ZNF280D: variants seen among roughly 807,000 people sequenced by gnomAD.
ZNF280D encodes zinc finger protein 280D.
Under a neutral mutation model 94.7 loss-of-function variants are expected in ZNF280D, and 39 were observed. That is an observed-to-expected ratio of 0.41 (90% CI 0.32 to 0.54). The LOEUF is 0.54. Ranked by LOEUF, ZNF280D falls within the 20% of genes least tolerant of loss-of-function variation. The pLI, the probability that ZNF280D is intolerant of heterozygous loss-of-function variation, is 0.22. For missense variants in ZNF280D, 1,090 were observed against 1,149.3 expected (o/e 0.95, Z 0.75); for synonymous variants, 398 against 377.6 (o/e 1.05, Z -0.63).
chr15:56,671,234 A>C (rs186488371), intron 13 of ZNF280D, among the ~76,000 whole-genome samples: 16 of 152,156 alleles, frequency 1.1e-4, no homozygotes, highest in African/African-American at 3.1e-4. Flanking sequence ...TTCATCATGA[A>C]ATCTTTGCCT....
At position 56,733,351 on chromosome 15, in the gene ZNF280D, G is replaced by A. The variant is rs2059000033; in HGVS notation, c.-86+107C>T. ...TGGGCGCTCCCGACGACCCGCGCCG[G>A]CCTCAAGACCCCCAGTCCAGCGCCC... On this transcript the variant is annotated intron_variant, in intron 1 of 21. Transcript: ENST00000267807. 8 of 643,486 alleles carry A rather than the reference G, an allele frequency of 1.2e-5. No individual in the cohort carries two copies. The South Asian group carries it at 5.4e-4, about 44-fold the overall frequency. 39.9% of individuals were successfully genotyped at this position (643,486 alleles called of 1,614,324 possible). A position where few individuals can be genotyped will look rare whatever the true frequency, so the allele number is the denominator to read the frequency against.
intron 6 of ZNF280D, chr15:56,700,602 T>C (rs1207771445): frequency 1.7e-6 from 2 of 1,171,444 alleles, no homozygotes; most frequent in African/African-American, 1.6e-5. Flanking sequence ...CAATTAAGAA[T>C]ACCTGGTCCC....
rs1566959397 is a variant in ZNF280D, at chr15:56,669,871, TTTTATATA to T, written c.1411-922_1411-915del. 5.3e-4 allele frequency among the ~76,000 whole-genome samples: 3 copies of T among 5,694 alleles called. 1 individual carries two copies. Among genetic ancestry groups the T allele is most frequent in the Non-Finnish European group, 1.1e-3 (3 of 2,716 alleles). The allele number at this position is 5,694 out of a possible 152,430, so 3.7% of individuals were successfully genotyped here. On this transcript the variant is annotated intron_variant, in intron 13 of 21. Transcript: ENST00000267807. ...CCTCATTATTTTATATATATATATA[TTTTATATA>T]TATATATATTATATATATATATAAT...
At chr15:56,731,345 A>T (rs1316633456) in intron 1 of ZNF280D, among the ~76,000 whole-genome samples, 3 of 151,994 alleles carry the variant, frequency 2.0e-5, no homozygotes, top group Non-Finnish European at 2.9e-5. Flanking sequence ...TCTACAAAAA[A>T]TACAAAAATT....
At chr15:56,716,221 G>C (rs989511940) in intron 1 of ZNF280D, among the ~76,000 whole-genome samples, 5 of 152,046 alleles carry the variant, frequency 3.3e-5, no homozygotes, top group African/African-American at 1.2e-4. Flanking sequence ...CATGAAACTT[G>C]TGGTCTAGAG....
At chr15:56,668,409 A>T (rs1212396802) in intron 14 of ZNF280D, among the ~76,000 whole-genome samples, 1 of 152,140 alleles carries the variant, frequency 6.6e-6, no homozygotes, top group Non-Finnish European at 1.5e-5. Context: ...AACTGCAACA[A>T]ACATCTGAGA....
At chr15:56,642,558 A>G (rs2081434682) in intron 20 of ZNF280D, among the ~76,000 whole-genome samples, 1 of 151,784 alleles carries the variant, frequency 6.6e-6, no homozygotes, top group Non-Finnish European at 1.5e-5. Context: ...AAATATTTCT[A>G]TTTTAAAAAT....
chr15:56,650,540 C>T (rs2053150616), intron 19 of ZNF280D, among the ~76,000 whole-genome samples: 1 of 152,102 alleles, frequency 6.6e-6, no homozygotes, highest in African/African-American at 2.4e-5. Context: ...ACTCAGAGAA[C>T]TAAATCAACT....
intron 1 of ZNF280D, among the ~76,000 whole-genome samples, chr15:56,727,416 G>A (rs561429625): frequency 3.9e-5 from 6 of 152,226 alleles, no homozygotes; most frequent in South Asian, 2.1e-4. Context: ...CTGAGATCAC[G>A]CCATTGCATT....
At chr15:56,731,622 G>A (rs751106351) in intron 1 of ZNF280D, among the ~76,000 whole-genome samples, 98 of 151,642 alleles carry the variant, frequency 6.5e-4, no homozygotes, top group Non-Finnish European at 3.2e-4. Flanking sequence ...TCTTAAGTGT[G>A]ATTGCGGTAT....
intron 9 of ZNF280D, 84 bp from the exon 10 acceptor site, chr15:56,682,561 A>C (rs2055701185): frequency 1.2e-6 from 1 of 850,804 alleles, no homozygotes. Context: ...GTGTGTTTAC[A>C]CCTAAGGCCA....
At chr15:56,648,706 A>G (rs770339392) in intron 19 of ZNF280D, among the ~76,000 whole-genome samples, 10 of 152,226 alleles carry the variant, frequency 6.6e-5, no homozygotes, top group Non-Finnish European at 1.2e-4. Flanking sequence ...TTAAATGAGT[A>G]AATAAATGCA....
chr15:56,646,876 G>A (rs2052919150), intron 19 of ZNF280D, among the ~76,000 whole-genome samples: 1 of 152,194 alleles, frequency 6.6e-6, no homozygotes, highest in Admixed American at 6.6e-5. Context: ...GCAAAGCAGA[G>A]TAAGGAGATC....
chr15:56,710,231 T>C (rs1419160594), intron 1 of ZNF280D, among the ~76,000 whole-genome samples: 2 of 152,090 alleles, frequency 1.3e-5, no homozygotes, highest in East Asian at 3.9e-4. Context: ...AGAGTCAAAC[T>C]GTCTCTACTA....
chr15:56,710,131 G>A (rs928376671), intron 1 of ZNF280D, among the ~76,000 whole-genome samples: 15 of 152,228 alleles, frequency 9.9e-5, no homozygotes, highest in African/African-American at 2.7e-4. Context: ...GGACGGGCGC[G>A]GCGGCTCACG....
intron 4 of ZNF280D, among the ~76,000 whole-genome samples, chr15:56,702,348 T>C (rs1028289758): frequency 5.3e-5 from 8 of 152,190 alleles, no homozygotes; most frequent in Admixed American, 4.6e-4. Context: ...CCTCCTTTCT[T>C]GCAGTTTTAT....
chr15:56,698,632 G>A (rs2141162238), intron 6 of ZNF280D: 1 of 152,234 alleles, frequency 6.6e-6, no homozygotes, highest in South Asian at 2.1e-4. Context: ...CAGGACCTCT[G>A]ACTTGCTTTT....
At chr15:56,700,704 C>T in intron 6 of ZNF280D, 2 of 1,436,224 alleles carry the variant, frequency 1.4e-6, no homozygotes, top group Non-Finnish European at 1.8e-6. Flanking sequence ...ATTACTGTAC[C>T]TATTTAGGCA....
At chr15:56,704,316 A>C in intron 3 of ZNF280D, 49 bp from the exon 4 acceptor site, 1 of 1,525,992 alleles carries the variant, frequency 6.6e-7, no homozygotes, top group South Asian at 1.2e-5. Context: ...AAATAAAAAT[A>C]AAAACATTTT....
Sources: allele counts gnomAD v4.1 joint callset (sites outside exome capture counted in the v4.1 genomes callset), GRCh38; gene constraint gnomAD v4.1.1; transcripts MANE v1.5; gene names NCBI Gene and HGNC (gene_info 2026-07-23, HGNC 2026-07-21).